Variants in CTTN observed in about 807,000 individuals in gnomAD.
The protein encoded by CTTN is src substrate cortactin.
Under a neutral mutation model 84.0 loss-of-function variants are expected in CTTN, and 28 were observed. That is an observed-to-expected ratio of 0.33 (90% CI 0.25 to 0.46). The LOEUF (loss-of-function observed/expected upper bound fraction) is 0.46, where lower values mean the gene tolerates loss of function less well. Ranked by LOEUF, CTTN falls within the 20% of genes least tolerant of loss-of-function variation. The pLI is 1.00. For synonymous variants in CTTN, 301 were observed against 288.8 expected, an observed-to-expected ratio of 1.04 and a Z score of -0.43; for missense variants, 641 against 723.8, an observed-to-expected ratio of 0.89 and a Z score of 1.31.
intron 2 of CTTN, 35 bp from the exon 3 acceptor site, chr11:70,407,263 G>A (rs1489810849): frequency 6.5e-6 from 10 of 1,539,498 alleles, no homozygotes; most frequent in Non-Finnish European, 8.8e-6. Flanking sequence ...ATGGCGCCCT[G>A]AGGCCTCCGT....
At position 70,434,139 on chromosome 11, in the gene CTTN, T is replaced by C. The variant is rs2058387904; in HGVS notation, c.1516+421T>C. Among the ~76,000 whole-genome samples, 3 of 152,186 alleles carry C rather than the reference T, an allele frequency of 2.0e-5. No homozygotes were observed. In the South Asian group the frequency reaches 6.2e-4, roughly 32 times the overall value. ...CGCCAGCTCCCGTGTGGCCTGCACG[T>C]TCCCCTGAGTTCCCTTTGCGGCCTT... On this transcript the variant is annotated intron_variant, in intron 17 of 17. Transcript: ENST00000301843.
At chr11:70,434,889 C>A in intron 17 of CTTN, 137 bp from the exon 18 acceptor site, 1 of 880,998 alleles carries the variant, frequency 1.1e-6, no homozygotes, top group Non-Finnish European at 1.8e-6. Context: ...GCAGCAGGAG[C>A]CTCCGCGGTG....
chr11:70,419,019 C>T (rs2058197884), intron 8 of CTTN, among the ~76,000 whole-genome samples: 2 of 151,788 alleles, frequency 1.3e-5, no homozygotes, highest in Non-Finnish European at 2.9e-5. Context: ...TCATGATCCG[C>T]CCACCTTGGC....
intron 1 of CTTN, among the ~76,000 whole-genome samples, chr11:70,402,307 T>C (rs1215201810): frequency 1.3e-5 from 2 of 152,232 alleles, no homozygotes; most frequent in Non-Finnish European, 2.9e-5. Context: ...TTGAACCGTA[T>C]TGTAACAGCT....
At chr11:70,416,867 G>A (rs1477172903) in intron 7 of CTTN, 146 bp from the exon 8 acceptor site, 1 of 664,192 alleles carries the variant, frequency 1.5e-6, no homozygotes, top group Non-Finnish European at 2.8e-6. Flanking sequence ...CCTGTATGGA[G>A]CAGTGGGTGG....
chr11:70,422,300 C>T (rs926375636), intron 11 of CTTN: 27 of 358,388 alleles, frequency 7.5e-5, no homozygotes, highest in Admixed American at 1.5e-4. Flanking sequence ...CTAGGCTTTC[C>T]ACCTGCAGCG....
intron 13 of CTTN, among the ~76,000 whole-genome samples, chr11:70,428,509 G>A (rs2058322516): frequency 6.6e-6 from 1 of 151,888 alleles, no homozygotes; most frequent in South Asian, 2.1e-4. Flanking sequence ...TTTCTTAATA[G>A]ACACGGGGTC....
intron 8 of CTTN, among the ~76,000 whole-genome samples, chr11:70,418,862 C>T (rs901450964): frequency 6.6e-6 from 1 of 151,524 alleles, no homozygotes; most frequent in Non-Finnish European, 1.5e-5. Flanking sequence ...GTGCAACCTC[C>T]TCCTTCCGGG....
intron 13 of CTTN, among the ~76,000 whole-genome samples, chr11:70,426,976 TC>T (rs2058307334): frequency 6.6e-6 from 1 of 151,808 alleles, no homozygotes; most frequent in African/African-American, 2.4e-5. Flanking sequence ...GCTCAAGTGA[TC>T]CACCTGCCTC....
At chr11:70,433,335 C>G in intron 16 of CTTN, 57 bp downstream of exon 16, 1 of 1,505,730 alleles carries the variant, frequency 6.6e-7, no homozygotes, top group South Asian at 1.2e-5. Context: ...CCGGGACATC[C>G]TGCTCGACCT....
chr11:70,426,358 C>T (rs932134205), intron 13 of CTTN, among the ~76,000 whole-genome samples: 13 of 147,024 alleles, frequency 8.8e-5, no homozygotes, highest in South Asian at 2.2e-4. Flanking sequence ...TTGCAGTGAG[C>T]GGAGTTTGCG....
chr11:70,410,037 A>C, intron 5 of CTTN, 77 bp downstream of exon 5: 2 of 1,527,896 alleles, frequency 1.3e-6, no homozygotes, highest in Non-Finnish European at 1.8e-6. Context: ...GTCGTCCCTC[A>C]GTCTTTCCTT....
At chr11:70,429,654 G>A (rs2058333816) in intron 14 of CTTN, among the ~76,000 whole-genome samples, 1 of 152,056 alleles carries the variant, frequency 6.6e-6, no homozygotes, top group Admixed American at 6.6e-5. Flanking sequence ...CTTCTGCTTG[G>A]CCAGCCCAGC....
intron 8 of CTTN, among the ~76,000 whole-genome samples, chr11:70,417,644 C>T (rs891733150): frequency 2.0e-5 from 3 of 152,096 alleles, no homozygotes; most frequent in Non-Finnish European, 4.4e-5. Context: ...TACAAGCACA[C>T]GCCACCACGC....
chr11:70,412,242 C>T (rs2058103558), intron 5 of CTTN, among the ~76,000 whole-genome samples: 1 of 152,144 alleles, frequency 6.6e-6, no homozygotes, highest in Non-Finnish European at 1.5e-5. Context: ...GCCTGGGCAA[C>T]ATAGCAAGAC....
intron 11 of CTTN, 33 bp from the exon 12 acceptor site, chr11:70,422,907 T>A (rs749717513): frequency 1.9e-6 from 3 of 1,614,010 alleles, no homozygotes; most frequent in Non-Finnish European, 2.5e-6. Context: ...CGCCTCCACC[T>A]CAGAGTAAGT....
intron 14 of CTTN, among the ~76,000 whole-genome samples, chr11:70,429,627 C>T (rs747680572): frequency 2.0e-4 from 30 of 152,252 alleles, no homozygotes; most frequent in Non-Finnish European, 2.9e-4. Context: ...GCAGAGGCAG[C>T]CTGCTCTCGG....
Position 70,431,135 on chromosome 11 carries a change from G to C in CTTN, c.1177-56G>C, listed in dbSNP as rs374463436. 1.8e-5 allele frequency: 28 copies of C among 1,539,652 alleles called. No homozygotes were observed. In the East Asian group the frequency reaches 3.4e-4, roughly 19 times the overall value. ...CACGATCTTCTGAAACACGGCAGGC[G>C]TGACAGTGCAGAGTGTCATGGCAGC... On this transcript the variant is annotated intron_variant, in intron 14 of 17. Coordinates refer to ENST00000301843, the MANE Select transcript of CTTN (RefSeq NM_005231.4).
Position 70,420,440 on chromosome 11 carries a change from A to G in CTTN, c.720A>G (p.Thr240=). The part of the protein sequence containing the change: ...KGFGGKFGVQ[T]DRQDKCALGW... ...TTGGAGGAAAATTTGGTGTGCAGACAGACAGACAAGACAAATGTGCCCTTG... is the reference window on the plus strand; with the variant it reads ...TTGGAGGAAAATTTGGTGTGCAGACGGACAGACAAGACAAATGTGCCCTTG... The change falls in exon 10 of 18, where the codon ACA becomes ACG. Residue 240 remains threonine, a synonymous_variant. Coordinates refer to ENST00000301843, the MANE Select transcript of CTTN (RefSeq NM_005231.4). The G allele has an allele frequency of 6.2e-7, 1 of 1,614,254 alleles. No individual in the cohort carries two copies. Among genetic ancestry groups the G allele is most frequent in the Non-Finnish European group, 8.5e-7 (1 of 1,180,030 alleles).
Sources: allele counts gnomAD v4.1 joint callset (sites outside exome capture counted in the v4.1 genomes callset), GRCh38; gene constraint gnomAD v4.1.1; transcripts MANE v1.5; gene names NCBI Gene and HGNC (gene_info 2026-07-23, HGNC 2026-07-21).